Variants in GRIK2 observed in about 807,000 individuals in gnomAD.
GRIK2 encodes glutamate ionotropic receptor kainate type subunit 2.
A neutral mutation model predicts 100.3 loss-of-function variants in GRIK2; 32 were observed. That is an observed-to-expected ratio of 0.32 (90% CI 0.24 to 0.43). GRIK2 has a LOEUF of 0.43. Among genes scored for constraint, GRIK2 ranks in the 20% least tolerant of loss-of-function variants. GRIK2 has a pLI of 1.00. For synonymous variants in GRIK2, 417 were observed against 389.4 expected (o/e 1.07, Z -0.83); for missense variants, 843 against 1,114.9 (o/e 0.76, Z 3.47).
intron 7 of GRIK2, among the ~76,000 whole-genome samples, chr6:101,748,845 T>C (rs1386645552): frequency 6.6e-6 from 1 of 152,160 alleles, no homozygotes; most frequent in South Asian, 2.1e-4. Context: ...TAAACATTTT[T>C]AAAGATAATT....
At chr6:101,725,019 A>G (rs1774761187) in intron 7 of GRIK2, among the ~76,000 whole-genome samples, 1 of 152,042 alleles carries the variant, frequency 6.6e-6, no homozygotes, top group Non-Finnish European at 1.5e-5. Context: ...CATTGCCTCC[A>G]ACATTAAACT....
chr6:102,022,425 T>A (rs1384622182), intron 14 of GRIK2, among the ~76,000 whole-genome samples: 1 of 151,738 alleles, frequency 6.6e-6, no homozygotes. Context: ...TCCTAGTTAC[T>A]TTTGCATACT....
At chr6:101,396,184 AG>A (rs1368414236) in intron 1 of GRIK2, among the ~76,000 whole-genome samples, 1 of 151,982 alleles carries the variant, frequency 6.6e-6, no homozygotes, top group African/African-American at 2.4e-5. Context: ...CCACATGTTA[AG>A]GCATCAACTA....
intron 4 of GRIK2, among the ~76,000 whole-genome samples, chr6:101,628,689 G>A (rs1479630358): frequency 6.6e-6 from 1 of 151,944 alleles, no homozygotes; most frequent in Admixed American, 6.6e-5. Flanking sequence ...TTAATCTGTG[G>A]ATTGTTTACT....
chr6:101,552,248 C>G (rs898537946), intron 2 of GRIK2, among the ~76,000 whole-genome samples: 3 of 152,112 alleles, frequency 2.0e-5, no homozygotes, highest in Admixed American at 6.6e-5. Flanking sequence ...AATGATTTGT[C>G]AGAATTATAC....
intron 14 of GRIK2, among the ~76,000 whole-genome samples, chr6:102,000,713 C>A (rs1794893091): frequency 1.3e-5 from 2 of 152,042 alleles, no homozygotes; most frequent in African/African-American, 2.4e-5. Flanking sequence ...AAAAATATAT[C>A]TGTAAAATCT....
Position 101,893,461 on chromosome 6 carries a change from A to G in GRIK2, c.1748+3598A>G, listed in dbSNP as rs140438383. Among the ~76,000 whole-genome samples, 543 of 151,878 alleles carry G rather than the reference A, an allele frequency of 3.6e-3. 1 individual carries two copies. The highest frequency in any genetic ancestry group is 0.012 in the African/African-American group (517 of 41,566). ...AGGAATAAAAACGCTGTATCTCAAAACTAAATTATAATGAGTGATTTAAAT... is the reference window on the plus strand; with the variant it reads ...AGGAATAAAAACGCTGTATCTCAAAGCTAAATTATAATGAGTGATTTAAAT... On this transcript the variant is annotated intron_variant, in intron 12 of 16. Transcript: ENST00000369134.
At chr6:101,485,535 A>C (rs1296045114) in intron 2 of GRIK2, among the ~76,000 whole-genome samples, 1 of 152,204 alleles carries the variant, frequency 6.6e-6, no homozygotes, top group Non-Finnish European at 1.5e-5. Context: ...TATATAAAAT[A>C]TGTTGATAAG....
At chr6:102,061,121 A>C (rs1035198716) in intron 16 of GRIK2, among the ~76,000 whole-genome samples, 4 of 150,530 alleles carry the variant, frequency 2.7e-5, no homozygotes, top group African/African-American at 9.7e-5. Flanking sequence ...GTCAATCTTC[A>C]TTTTGCTTAC....
At chr6:101,603,697 A>G (rs1313462224) in intron 2 of GRIK2, among the ~76,000 whole-genome samples, 2 of 151,698 alleles carry the variant, frequency 1.3e-5, no homozygotes, top group African/African-American at 2.4e-5. Flanking sequence ...AATGAATTCT[A>G]TTCTTTGTAT....
intron 7 of GRIK2, among the ~76,000 whole-genome samples, chr6:101,761,760 T>A (rs560838750): frequency 2.1e-5 from 3 of 143,640 alleles, no homozygotes; most frequent in Non-Finnish European, 4.5e-5. Flanking sequence ...TTTACAATAA[T>A]GCCCCCATTT....
At chr6:102,034,845 T>G (rs763269561) in intron 14 of GRIK2, among the ~76,000 whole-genome samples, 1 of 151,512 alleles carries the variant, frequency 6.6e-6, no homozygotes, top group South Asian at 2.1e-4. Context: ...TTTTTGTGTA[T>G]CCCTGGGGGT....
chr6:102,003,522 TTAAC>T (rs1387909723), intron 14 of GRIK2, among the ~76,000 whole-genome samples: 13 of 151,828 alleles, frequency 8.6e-5, no homozygotes, highest in Non-Finnish European at 1.9e-4. Context: ...GCATTAATCT[TTAAC>T]AAATAATTTA....
rs1251030521 is a variant in GRIK2, at chr6:101,525,346, G to C, written c.116-96603G>C. ...TGGAGGCTAATATTTGTGGTCAGCT[G>C]TATGGGTTAAGACAGCTATGTGAGT... On this transcript the variant is annotated intron_variant, in intron 2 of 16. Transcript: ENST00000369134. Among the ~76,000 whole-genome samples the C allele has an allele frequency of 3.3e-5, 5 of 152,318 alleles. No individual in the cohort carries two copies. In the South Asian group the frequency reaches 1.0e-3, roughly 32 times the overall value.
intron 2 of GRIK2, among the ~76,000 whole-genome samples, chr6:101,580,229 C>A (rs1189269024): frequency 6.6e-6 from 1 of 152,156 alleles, no homozygotes; most frequent in Non-Finnish European, 1.5e-5. Flanking sequence ...ATTTTATTCC[C>A]AGCCAACCTG....
At chr6:102,044,857 C>A (rs1237526275) in intron 15 of GRIK2, among the ~76,000 whole-genome samples, 2 of 152,004 alleles carry the variant, frequency 1.3e-5, no homozygotes, top group East Asian at 3.9e-4. Flanking sequence ...AAATAAATTT[C>A]TTATGCTGAC....
At chr6:101,761,744 T>C (rs1777685138) in intron 7 of GRIK2, among the ~76,000 whole-genome samples, 1 of 151,616 alleles carries the variant, frequency 6.6e-6, no homozygotes, top group Admixed American at 6.6e-5. Context: ...TTTTACCTAA[T>C]CAGATTTTAC....
rs560868986 is a variant in GRIK2, at chr6:101,531,386, A to T, written c.116-90563A>T. Among the ~76,000 whole-genome samples, 4 of 152,138 alleles carry T rather than the reference A, an allele frequency of 2.6e-5. No individual in the cohort carries two copies. In the South Asian group the frequency reaches 8.3e-4, roughly 32 times the overall value. On this transcript the variant is annotated intron_variant, in intron 2 of 16. Coordinates refer to ENST00000369134, the MANE Select transcript of GRIK2 (RefSeq NM_021956.5). ...GGCTATGTATATATAACTGGTACTG[A>T]TTATAGGCGCTCAAAATTGTTTAAA...
intron 2 of GRIK2, among the ~76,000 whole-genome samples, chr6:101,577,864 T>A (rs550602397): frequency 6.6e-6 from 1 of 152,102 alleles, no homozygotes; most frequent in African/African-American, 2.4e-5. Flanking sequence ...GCCATTAATC[T>A]AATGAATGAA....
Sources: allele counts gnomAD v4.1 joint callset (sites outside exome capture counted in the v4.1 genomes callset), GRCh38; gene constraint gnomAD v4.1.1; transcripts MANE v1.5; gene names NCBI Gene and HGNC (gene_info 2026-07-23, HGNC 2026-07-21).